The following DCTN1 variants were observed in gnomAD, a reference collection of about 807,000 sequenced individuals.
DCTN1 encodes 150 kDa dynein-associated polypeptide.
A neutral mutation model predicts 161.2 loss-of-function variants in DCTN1; 61 were observed. The ratio of observed to expected loss-of-function variants is 0.38; its 90% CI spans 0.31 to 0.47. The LOEUF is 0.47. Ranked by LOEUF, DCTN1 falls within the 20% of genes least tolerant of loss-of-function variation. The pLI is 0.99. For missense variants in DCTN1, 1,404 were observed against 1,623.7 expected (o/e 0.86, Z 2.33); for synonymous variants, 653 against 632.4 (o/e 1.03, Z -0.49).
rs201665169 is a variant in DCTN1, at chr2:74,365,496, C to T, written c.3029+19G>A. The T allele has an allele frequency of 2.4e-4, 393 of 1,613,880 alleles. No homozygotes were observed. Among genetic ancestry groups the T allele is most frequent in the Non-Finnish European group, 3.1e-4 (365 of 1,179,980 alleles). Reference sequence around the variant, plus strand: ...GTGGGAGGATTAGAGGAAGCAAGGCCCCAGGGAAAGTGCCTGACTTCTCCT... The same window carrying T: ...GTGGGAGGATTAGAGGAAGCAAGGCTCCAGGGAAAGTGCCTGACTTCTCCT... On this transcript the variant is annotated intron_variant, in intron 25 of 31. Coordinates refer to ENST00000628224, the MANE Select transcript of DCTN1 (RefSeq NM_004082.5).
chr2:74,375,238 T>A (rs1194218923), intron 5 of DCTN1, among the ~76,000 whole-genome samples: 1 of 152,226 alleles, frequency 6.6e-6, no homozygotes, highest in Non-Finnish European at 1.5e-5. Flanking sequence ...GTAGACAGGT[T>A]AAAGCCTGTC....
At position 74,365,926 on chromosome 2, in the gene DCTN1, A is replaced by C; in HGVS notation, c.2853T>G (p.Val951=). 6.2e-7 allele frequency: 1 copy of C among 1,614,158 alleles called. No individual in the cohort carries two copies. Among genetic ancestry groups the C allele is most frequent in the Non-Finnish European group, 8.5e-7 (1 of 1,180,034 alleles). Residue 951 remains valine, a synonymous_variant, in exon 24 of 32, where the codon GTT becomes GTG. Transcript: ENST00000628224. ...TGAGTGACTTCTTCAACTCCTTAAT[A>C]ACTGTCTCTCGATCTTCGAGCTTCA... ...LGLKLEDRET[V]IKELKKSLKI...
intron 6 of DCTN1, chr2:74,374,110 C>T: frequency 1.6e-6 from 1 of 624,126 alleles, no homozygotes. Context: ...GCCTGGAACA[C>T]AGGCAGAGCC....
chr2:74,380,977 T>C (rs1181027200), upstream of DCTN1, among the ~76,000 whole-genome samples: 1 of 152,228 alleles, frequency 6.6e-6, no homozygotes, highest in Non-Finnish European at 1.5e-5. Flanking sequence ...CAAGGCCCAG[T>C]CCACCTCAGT....
rs1558939544 is a variant in DCTN1 at position 74,368,775 on chromosome 2, G to T, written c.1807C>A (p.His603Asn). 1 of 1,614,246 alleles carries T rather than the reference G, an allele frequency of 6.2e-7. No individual in the cohort carries two copies. Among genetic ancestry groups the T allele is most frequent in the Admixed American group, 1.7e-5 (1 of 60,034 alleles). ...AGCAACAGCACCAGAACGCAGTCAT[G>T]GTCCCCACCTGGCCGAAGGAAGCTG... Reference protein sequence around the residue: ...PDSFLRPGGDHDCVLVLLLMP... With the variant: ...PDSFLRPGGDNDCVLVLLLMP... The change falls in exon 16 of 32, where the codon CAT becomes AAT. Residue 603 changes from histidine to asparagine, a missense_variant. By Grantham distance (68) the His-to-Asn change is moderately conservative. Around this residue, in one of 9 missense-constraint regions of DCTN1, gnomAD observed 278 missense variants for 363.8 expected, o/e 0.76. Transcript: ENST00000628224.
At chr2:74,362,953 G>A (rs769777943) in intron 29 of DCTN1, 41 bp downstream of exon 29, 2 of 1,600,598 alleles carry the variant, frequency 1.2e-6, no homozygotes, top group African/African-American at 1.3e-5. Context: ...GCCAAGTGGA[G>A]GGGGCAGTTT....
In DCTN1 at chr2:74,365,960, C is replaced by G. The variant is rs769044539; in HGVS notation, c.2819G>C (p.Gly940Ala). ...ALRAEITDAE[G>A]LGLKLEDRET... is the part of the protein sequence containing the mutation. The stretch of plus-strand genomic sequence containing the variant: ...TCGATCTTCGAGCTTCAAACCCAGG[C>G]CTTCAGCATCTGTGATCTCTGCACG... The change falls in exon 24 of 32, where the codon GGC becomes GCC. Residue 940 changes from glycine (G) to alanine (A), a missense_variant. Gly to Ala is a moderately conservative substitution (Grantham distance 60). Transcript: ENST00000628224. 3 of 1,614,242 alleles carry G rather than the reference C, an allele frequency of 1.9e-6. No homozygotes were observed. The highest frequency in any genetic ancestry group is 3.3e-5 in the Admixed American group (2 of 60,034).
At chr2:74,388,422 G>A (rs997083273) in intron 1 of DCTN1, among the ~76,000 whole-genome samples, 27 of 152,154 alleles carry the variant, frequency 1.8e-4, no homozygotes, top group African/African-American at 5.8e-4. Flanking sequence ...TTATGAATCC[G>A]GTCGCATCAA....
intron 8 of DCTN1, 108 bp downstream of exon 8, chr2:74,371,429 G>C (rs1311608069): frequency 1.5e-6 from 2 of 1,309,224 alleles, no homozygotes; most frequent in Non-Finnish European, 2.1e-6. Flanking sequence ...CACCCTTTCT[G>C]ATCCAAGTTC....
chr2:74,372,312 G>T (rs1015556107), intron 7 of DCTN1, among the ~76,000 whole-genome samples: 1 of 152,152 alleles, frequency 6.6e-6, no homozygotes, highest in African/African-American at 2.4e-5. Flanking sequence ...CAGGTAAAAG[G>T]GCCAAGGTGA....
In DCTN1 at chr2:74,367,107, A is replaced by G. The variant is rs1252476414; in HGVS notation, c.2254T>C (p.Phe752Leu). The change falls in exon 20 of 32, where the codon TTC (phenylalanine) becomes CTC (leucine). Residue 752 changes from phenylalanine to leucine, a missense_variant and splice_region_variant. By Grantham distance (22) the Phe-to-Leu change is conservative. Around this residue, in one of 9 missense-constraint regions of DCTN1, gnomAD observed 475 missense variants for 489.8 expected, o/e 0.97. Transcript: ENST00000628224. Reference sequence around the variant, plus strand: ...ATGCAGTCCAGAGCACTCTGCGTGAACTGTGAGGATAGAAGCATGCAATCA... The same window carrying G: ...ATGCAGTCCAGAGCACTCTGCGTGAGCTGTGAGGATAGAAGCATGCAATCA... ...CTMQLADHIK[F>L]TQSALDCMSV... 6.2e-7 allele frequency: 1 copy of G among 1,614,182 alleles called. No individual in the cohort carries two copies. The highest frequency in any genetic ancestry group is 1.3e-5 in the African/African-American group (1 of 75,040).
Position 74,370,595 on chromosome 2 carries a change from GC to G in DCTN1, c.1048+25del. 1 of 1,613,998 alleles carries G rather than the reference GC, an allele frequency of 6.2e-7. No individual in the cohort carries two copies. The highest frequency in any genetic ancestry group is 8.5e-7 in the Non-Finnish European group (1 of 1,180,016). On this transcript the variant is annotated intron_variant, in intron 10 of 31. Coordinates refer to ENST00000628224, the MANE Select transcript of DCTN1 (RefSeq NM_004082.5). The surrounding 1 kb of genome is among the most constrained non-coding windows in gnomAD (Gnocchi z 4.4). ...GGCATGGTTCTCACCTGACCGTTTGGCCCCCAGCAGCTGTGGGCCCCTTACC... is the reference window on the plus strand; with the variant it reads ...GGCATGGTTCTCACCTGACCGTTTGGCCCCAGCAGCTGTGGGCCCCTTACC...
chr2:74,364,792 A>G, intron 26 of DCTN1: 2 of 474,244 alleles, frequency 4.2e-6, no homozygotes, highest in South Asian at 4.1e-5. Context: ...CAGAAAGGTC[A>G]GATTACAGAG....
Position 74,369,271 on chromosome 2 carries a change from T to G in DCTN1, c.1584+29A>C, listed in dbSNP as rs776573098. ...TCATAAGGAAGCCCTGGGGTGATGG[T>G]GGGCAGAGAGCAAACAGTGGGCATG... On this transcript the variant is annotated intron_variant, in intron 14 of 31. Transcript: ENST00000628224. This position sits in a 1 kb window ranked among gnomAD's most constrained non-coding sequence, Gnocchi z 4.9. The G allele has an allele frequency of 1.2e-6, 2 of 1,614,076 alleles. No homozygotes were observed. The highest frequency in any genetic ancestry group is 3.3e-5 in the Admixed American group (2 of 60,020).
Position 74,370,474 on chromosome 2 carries a change from G to A in DCTN1, c.1119C>T (p.Ala373=). The change falls in exon 11 of 32, where the codon GCC becomes GCT. Residue 373 remains alanine (A), a synonymous_variant. Transcript: ENST00000628224. This position sits in a 1 kb window ranked among gnomAD's most constrained non-coding sequence, Gnocchi z 4.4. ...LEEQNARLKD[A]LVRMRDLSSS... is the part of the protein sequence containing the mutation. ...AGCACTGAAGACCCTACCTCACCAGGGCATCCTTCAGGCGGGCATTCTGCT... is the reference window on the plus strand; with the variant it reads ...AGCACTGAAGACCCTACCTCACCAGAGCATCCTTCAGGCGGGCATTCTGCT... 1 of 1,614,140 alleles carries A rather than the reference G, an allele frequency of 6.2e-7. No homozygotes were observed. Among genetic ancestry groups the A allele is most frequent in the East Asian group, 2.2e-5 (1 of 44,884 alleles).
At chr2:74,383,534 T>C (rs757069446), upstream of DCTN1, among the ~76,000 whole-genome samples, 2 of 152,102 alleles carry the variant, frequency 1.3e-5, no homozygotes, top group Non-Finnish European at 2.9e-5. Flanking sequence ...CAGGATGGAG[T>C]GCAGGCAGGA....
upstream of DCTN1, among the ~76,000 whole-genome samples, chr2:74,384,509 G>T (rs528134209): frequency 4.0e-4 from 61 of 151,444 alleles, no homozygotes; most frequent in African/African-American, 1.4e-3. Flanking sequence ...CTAGAAAAAT[G>T]AGAAGAGAGG....
Position 74,371,478 on chromosome 2 carries a change from C to T in DCTN1, c.645+59G>A, listed in dbSNP as rs531119686. The T allele has an allele frequency of 6.7e-6, 10 of 1,492,478 alleles. No individual in the cohort carries two copies. In the East Asian group the frequency reaches 9.9e-5, roughly 15 times the overall value. The allele number at this position is 1,492,478 out of a possible 1,614,324, so 92.5% of individuals were successfully genotyped here. On this transcript the variant is annotated intron_variant, in intron 8 of 31. Coordinates refer to ENST00000628224, the MANE Select transcript of DCTN1 (RefSeq NM_004082.5). ...ACCCCAGGAAATTTTCAAGACACAG[C>T]GGGTAGCCACAAGCCTCTGGGTGTC...
chr2:74,382,409 G>C (rs1365088347), upstream of DCTN1, among the ~76,000 whole-genome samples: 1 of 151,926 alleles, frequency 6.6e-6, no homozygotes. Flanking sequence ...AGACCAGCCT[G>C]GCTGACATGG....
Sources: allele counts gnomAD v4.1 joint callset (sites outside exome capture counted in the v4.1 genomes callset), GRCh38; gene constraint gnomAD v4.1.1; regional missense constraint gnomAD v4.1.1; non-coding constraint Gnocchi (gnomAD v3.1); transcripts MANE v1.5; gene names NCBI Gene and HGNC (gene_info 2026-07-23, HGNC 2026-07-21).